Variants in C11orf65 observed in about 807,000 individuals in gnomAD.
The protein encoded by C11orf65 is protein MFI.
A neutral mutation model predicts 35.3 loss-of-function variants in C11orf65; 38 were observed. That is an observed-to-expected ratio of 1.08 (90% CI 0.83 to 1.41). The LOEUF (loss-of-function observed/expected upper bound fraction) is 1.41, where lower values mean the gene tolerates loss of function less well. C11orf65 is among the 40% of genes most tolerant of loss of function. C11orf65 has a pLI of 0.00. For synonymous variants in C11orf65, 105 were observed against 114.4 expected, an observed-to-expected ratio of 0.92 and a Z score of 0.53; for missense variants, 370 against 367.1, an observed-to-expected ratio of 1.01 and a Z score of -0.06.
chr11:108,432,933 T>G (rs2093009778), intron 2 of C11orf65, among the ~76,000 whole-genome samples: 1 of 152,146 alleles, frequency 6.6e-6, no homozygotes, highest in Non-Finnish European at 1.5e-5. Context: ...CAACAACCAT[T>G]TATTATTTCT....
intron 2 of C11orf65, among the ~76,000 whole-genome samples, chr11:108,370,844 T>G (rs1490045636): frequency 1.3e-5 from 2 of 152,216 alleles, no homozygotes; most frequent in African/African-American, 4.8e-5. Flanking sequence ...TGATCCATTT[T>G]ATCTATTGCT....
intron 2 of C11orf65, among the ~76,000 whole-genome samples, chr11:108,443,902 T>A (rs568018964): frequency 1.3e-5 from 2 of 151,224 alleles, no homozygotes; most frequent in East Asian, 3.9e-4. Context: ...ACATCACAAT[T>A]AAAAGAACTA....
At chr11:108,343,956 T>A (rs1406317655) in intron 2 of C11orf65, among the ~76,000 whole-genome samples, 1 of 152,202 alleles carries the variant, frequency 6.6e-6, no homozygotes, top group African/African-American at 2.4e-5. Flanking sequence ...GGTACTGTGC[T>A]GACTTAAGAC....
intron 2 of C11orf65, among the ~76,000 whole-genome samples, chr11:108,364,629 A>G (rs546252658): frequency 6.6e-6 from 1 of 152,310 alleles, no homozygotes; most frequent in South Asian, 2.1e-4. Flanking sequence ...GTTACTGATA[A>G]AACTATTGGA....
At chr11:108,392,696 G>A (rs142909340) in intron 7 of C11orf65, among the ~76,000 whole-genome samples, 37 of 152,244 alleles carry the variant, frequency 2.4e-4, no homozygotes, top group African/African-American at 8.4e-4. Flanking sequence ...TTTAATTATA[G>A]CTATCCTAGT....
At chr11:108,418,694 G>A (rs1037747666) in intron 3 of C11orf65, among the ~76,000 whole-genome samples, 44 of 151,404 alleles carry the variant, frequency 2.9e-4, no homozygotes, top group African/African-American at 9.4e-4. Flanking sequence ...ACAACACAAA[G>A]AAACAACAAA....
rs1185696991 is a variant in C11orf65, at chr11:108,316,286, C to CA, written c.641-7216dup. Among the ~76,000 whole-genome samples, 420 of 150,686 alleles carry CA rather than the reference C, an allele frequency of 2.8e-3. 2 individuals carry two copies. The highest frequency in any genetic ancestry group is 9.9e-3 in the African/African-American group (407 of 41,036). ...GGGATACTCCTGAAGCAGAGGGATG[C>CA]AAAAAAAAGAGAAAAAATTCAGGGA... On this transcript the variant is annotated intron_variant, in intron 6 of 6. Transcript: ENST00000525729.
chr11:108,453,782 T>C (rs1211160602), intron 2 of C11orf65, among the ~76,000 whole-genome samples: 3 of 152,222 alleles, frequency 2.0e-5, no homozygotes, highest in Non-Finnish European at 4.4e-5. Context: ...ATTATTTTAA[T>C]GTGCTGTTAA....
chr11:108,439,415 G>A (rs1366017660), intron 2 of C11orf65, among the ~76,000 whole-genome samples: 1 of 152,196 alleles, frequency 6.6e-6, no homozygotes, highest in Non-Finnish European at 1.5e-5. Context: ...CTGTGGTAAA[G>A]TTTGGCAGTT....
intron 2 of C11orf65, chr11:108,353,975 A>C (rs1276807164): frequency 8.3e-7 from 1 of 1,200,588 alleles, no homozygotes; most frequent in Non-Finnish European, 1.2e-6. Flanking sequence ...CAGCTGCTCA[A>C]GAGGCTGAAG....
rs1057520231 is a variant in C11orf65, at chr11:108,335,975, C to T, written c.227-683G>A. ...TGTACTTATAAGGTAACTATTTGTA[C>T]TTCTGTTAGTTCACCAAAAACATAT... is the stretch of plus-strand genomic sequence containing the variant. On this transcript the variant is annotated intron_variant, in intron 2 of 3. Coordinates refer to the C11orf65 transcript ENST00000524755. 6.3e-7 allele frequency: 1 copy of T among 1,577,618 alleles called. No individual in the cohort carries two copies. The highest frequency in any genetic ancestry group is 8.7e-7 in the Non-Finnish European group (1 of 1,147,198).
intron 2 of C11orf65, chr11:108,355,052 T>G: frequency 1.6e-6 from 1 of 612,900 alleles, no homozygotes; most frequent in Non-Finnish European, 2.9e-6. Context: ...AATACTGGTT[T>G]AGAAATGCCT....
At chr11:108,402,256 A>C (rs1416868242) in intron 6 of C11orf65, among the ~76,000 whole-genome samples, 1 of 151,994 alleles carries the variant, frequency 6.6e-6, no homozygotes, top group Non-Finnish European at 1.5e-5. Flanking sequence ...CTTCCCTCAA[A>C]AGGGAGAGTA....
At chr11:108,456,583 A>AC (rs1480457999) in intron 2 of C11orf65, among the ~76,000 whole-genome samples, 1 of 151,900 alleles carries the variant, frequency 6.6e-6, no homozygotes, top group Non-Finnish European at 1.5e-5. Flanking sequence ...GGAGTTCAAC[A>AC]CCAGCCTTGG....
chr11:108,368,564 G>A (rs2091450090), intron 2 of C11orf65: 1 of 217,814 alleles, frequency 4.6e-6, no homozygotes, highest in Admixed American at 5.8e-5. Context: ...AAGTACAAGT[G>A]TAATATGGAC....
chr11:108,377,488 A>G (rs977462540), intron 2 of C11orf65, among the ~76,000 whole-genome samples: 39 of 152,304 alleles, frequency 2.6e-4, no homozygotes, highest in Admixed American at 1.3e-3. Flanking sequence ...TCTCAAAATA[A>G]TAAGAGCTAT....
chr11:108,335,193 G>T (rs1356069179), intron 3 of C11orf65: 2 of 1,600,492 alleles, frequency 1.2e-6, no homozygotes, highest in Non-Finnish European at 1.7e-6. Flanking sequence ...CTTTATTTGG[G>T]ATTTTGTCTT....
intron 2 of C11orf65, among the ~76,000 whole-genome samples, chr11:108,459,769 A>ACACACACACACACACACC (rs981643793): frequency 7.3e-6 from 1 of 137,546 alleles, no homozygotes. Context: ...ACACACACAC[A>ACACACACACACACACACC]CCTCTTTATT....
downstream of C11orf65, among the ~76,000 whole-genome samples, chr11:108,378,484 G>A (rs2091786193): frequency 7.8e-6 from 1 of 127,918 alleles, no homozygotes; most frequent in African/African-American, 3.3e-5. Context: ...ATTAATTCAG[G>A]ATGGATTAAA....
Sources: allele counts gnomAD v4.1 joint callset (sites outside exome capture counted in the v4.1 genomes callset), GRCh38; gene constraint gnomAD v4.1.1; transcripts MANE v1.5; gene names NCBI Gene and HGNC (gene_info 2026-07-23, HGNC 2026-07-21).